Variants in IRAG1 observed in about 807,000 individuals in gnomAD.
IRAG1 encodes IP3R-associated cGMP kinase substrate.
Under a neutral mutation model 106.2 loss-of-function variants are expected in IRAG1, and 62 were observed. That is an observed-to-expected ratio of 0.58 (90% confidence interval 0.48 to 0.72). The LOEUF (loss-of-function observed/expected upper bound fraction) is 0.72, where lower values mean the gene tolerates loss of function less well. IRAG1 is among the 30% of genes least tolerant of loss of function. The pLI is 0.00. For missense variants in IRAG1, 1,064 were observed against 1,140.7 expected (o/e 0.93, Z 0.97); for synonymous variants, 462 against 443.9 (o/e 1.04, Z -0.51).
chr11:10,658,193 G>C (rs538565008), intron 1 of IRAG1, among the ~76,000 whole-genome samples: 1 of 152,294 alleles, frequency 6.6e-6, no homozygotes, highest in Admixed American at 6.5e-5. Flanking sequence ...GCTGGGTTCC[G>C]CGACTCCACA....
chr11:10,625,504 C>A (rs1319322888), intron 9 of IRAG1, among the ~76,000 whole-genome samples: 2 of 152,144 alleles, frequency 1.3e-5, no homozygotes, highest in African/African-American at 4.8e-5. Context: ...GGACTTAAAG[C>A]TTTTGTTAAC....
chr11:10,586,343 A>G (rs541818185), intron 18 of IRAG1, among the ~76,000 whole-genome samples: 7 of 151,848 alleles, frequency 4.6e-5, no homozygotes, highest in Non-Finnish European at 8.8e-5. Context: ...CTAAGCTCAA[A>G]TGCCTTCTCC....
In IRAG1 at chr11:10,623,233, C is replaced by T. The variant is rs999687655; in HGVS notation, c.1447+545G>A. On this transcript the variant is annotated intron_variant, in intron 10 of 20. Coordinates refer to ENST00000423302, the MANE Select transcript of IRAG1 (RefSeq NM_130385.4). ...CAGCTAGATCTAGAGGGGTCAGAACCCTACTGAGAACATCGGCAGAGGTGA... is the reference window on the plus strand; with the variant it reads ...CAGCTAGATCTAGAGGGGTCAGAACTCTACTGAGAACATCGGCAGAGGTGA... 4.6e-5 allele frequency among the ~76,000 whole-genome samples: 7 copies of T among 152,204 alleles called. No individual in the cohort carries two copies. In the East Asian group the frequency reaches 1.2e-3, roughly 25 times the overall value.
intron 10 of IRAG1, among the ~76,000 whole-genome samples, chr11:10,615,418 C>A (rs1271441783): frequency 6.6e-6 from 1 of 152,144 alleles, no homozygotes; most frequent in African/African-American, 2.4e-5. Flanking sequence ...TTGACCCAGC[C>A]ATCCCATTAC....
intron 1 of IRAG1, among the ~76,000 whole-genome samples, chr11:10,675,373 A>G (rs938973692): frequency 6.6e-6 from 1 of 152,102 alleles, no homozygotes; most frequent in Admixed American, 6.5e-5. Flanking sequence ...CTGCCTCCCA[A>G]ACAGGAAATG....
chr11:10,692,903 G>GGAGGTGAGCAGGGCCGGGCA (rs1862171348), intron 1 of IRAG1, among the ~76,000 whole-genome samples: 1 of 152,228 alleles, frequency 6.6e-6, no homozygotes, highest in Non-Finnish European at 1.5e-5. Context: ...TCGGAGCCCT[G>GGAGGTGAGCAGGGCCGGGCA]GAGGTGAGCA....
chr11:10,680,238 A>G (rs768201236), intron 1 of IRAG1, among the ~76,000 whole-genome samples: 2 of 143,058 alleles, frequency 1.4e-5, no homozygotes, highest in Non-Finnish European at 3.0e-5. Flanking sequence ...ACACCACTAC[A>G]CTCCAGTCTG....
chr11:10,642,783 G>T (rs1857611877), intron 2 of IRAG1, among the ~76,000 whole-genome samples: 2 of 152,218 alleles, frequency 1.3e-5, no homozygotes, highest in African/African-American at 4.8e-5. Context: ...CCAGATCCCT[G>T]TCTTGTAGCC....
chr11:10,689,122 A>G (rs1861872395), intron 1 of IRAG1, among the ~76,000 whole-genome samples: 2 of 152,230 alleles, frequency 1.3e-5, no homozygotes, highest in African/African-American at 4.8e-5. Flanking sequence ...AAGCAATACC[A>G]CTTACCACAA....
At chr11:10,681,377 G>GT (rs935069066) in intron 1 of IRAG1, among the ~76,000 whole-genome samples, 93 of 152,066 alleles carry the variant, frequency 6.1e-4, no homozygotes, top group African/African-American at 2.1e-3. Flanking sequence ...AGCAGTAAAT[G>GT]TTTTTTTTAA....
rs2134587147 is a variant in IRAG1 at position 10,627,837 on chromosome 11, C to T, written c.706-77G>A. On this transcript the variant is annotated intron_variant, in intron 7 of 20. Coordinates refer to ENST00000423302, the MANE Select transcript of IRAG1 (RefSeq NM_130385.4). ...TCCTCTTGAAATATCCCCAAGGAGG[C>T]CCCCTAGCAGTGGTGTTCATGCCCT... The T allele has an allele frequency of 1.9e-6, 3 of 1,599,862 alleles. No individual in the cohort carries two copies. The East Asian group carries it at 6.7e-5, about 36-fold the overall frequency.
intron 20 of IRAG1, 53 bp downstream of exon 20, chr11:10,580,402 A>G: frequency 6.3e-7 from 1 of 1,580,448 alleles, no homozygotes; most frequent in Non-Finnish European, 8.6e-7. Flanking sequence ...AAATTAGATG[A>G]ATTGTAACCC....
intron 12 of IRAG1, among the ~76,000 whole-genome samples, chr11:10,605,781 A>G (rs1854423088): frequency 6.6e-6 from 1 of 152,204 alleles, no homozygotes; most frequent in Non-Finnish European, 1.5e-5. Flanking sequence ...AGTGATAGAA[A>G]TTTTCTGCCT....
intron 10 of IRAG1, among the ~76,000 whole-genome samples, chr11:10,612,432 A>T (rs1416724088): frequency 1.3e-5 from 2 of 152,122 alleles, no homozygotes; most frequent in Non-Finnish European, 2.9e-5. Flanking sequence ...TTTCCCCACC[A>T]CCTAAGCAGT....
intron 1 of IRAG1, among the ~76,000 whole-genome samples, chr11:10,688,315 GATA>G (rs1448277120): frequency 2.6e-5 from 4 of 152,134 alleles, no homozygotes; most frequent in African/African-American, 9.7e-5. Flanking sequence ...TCCCCACTGT[GATA>G]ATAAGGGAAG....
At chr11:10,662,499 A>AATTT (rs1859477057) in intron 1 of IRAG1, among the ~76,000 whole-genome samples, 1 of 152,236 alleles carries the variant, frequency 6.6e-6, no homozygotes, top group Non-Finnish European at 1.5e-5. Flanking sequence ...ATCCAGGAGT[A>AATTT]ATTTGCAAAG....
At chr11:10,648,851 G>T (rs908646903) in intron 2 of IRAG1, among the ~76,000 whole-genome samples, 3 of 152,158 alleles carry the variant, frequency 2.0e-5, no homozygotes, top group Admixed American at 6.5e-5. Context: ...AGAGAAACAG[G>T]ATCTAGTCCT....
At chr11:10,600,514 C>T (rs750605245) in intron 15 of IRAG1, among the ~76,000 whole-genome samples, 1 of 152,244 alleles carries the variant, frequency 6.6e-6, no homozygotes, top group Non-Finnish European at 1.5e-5. Flanking sequence ...AAATCATTGG[C>T]TGGATCCCTA....
intron 1 of IRAG1, among the ~76,000 whole-genome samples, chr11:10,680,540 G>GGGAA (rs1554935817): frequency 4.7e-5 from 4 of 85,728 alleles, no homozygotes; most frequent in African/African-American, 2.2e-4. Flanking sequence ...AGGAAGGAAG[G>GGGAA]GGAAGGGGAA....
Sources: gnomAD v4.1 joint callset for allele counts (sites outside exome capture counted in the v4.1 genomes callset) on GRCh38, gnomAD v4.1.1 for gene constraint, MANE v1.5 for transcripts, NCBI Gene and HGNC (gene_info 2026-07-23, HGNC 2026-07-21) for gene names.